The following KIAA0825 variants were observed in gnomAD, a reference collection of about 807,000 sequenced individuals.
KIAA0825 encodes the protein uncharacterized protein KIAA0825.
A neutral mutation model predicts 147.6 loss-of-function variants in KIAA0825; 119 were observed. That is an observed-to-expected ratio of 0.81 (90% CI 0.69 to 0.94). The LOEUF (loss-of-function observed/expected upper bound fraction) is 0.94. KIAA0825 is among the 40% of genes least tolerant of loss of function. The pLI is 0.00. For synonymous variants in KIAA0825, 470 were observed against 518.1 expected (o/e 0.91, Z 1.26); for missense variants, 1,381 against 1,472.7 (o/e 0.94, Z 1.02).
At chr5:94,382,671 G>C (rs1282717711) in intron 20 of KIAA0825, among the ~76,000 whole-genome samples, 1 of 152,058 alleles carries the variant, frequency 6.6e-6, no homozygotes, top group Non-Finnish European at 1.5e-5. Context: ...GTTATTTCTG[G>C]CTAAATTTGT....
intron 5 of KIAA0825, among the ~76,000 whole-genome samples, chr5:94,487,953 A>AAAAAC (rs997792416): frequency 9.2e-5 from 14 of 152,104 alleles, no homozygotes; most frequent in African/African-American, 2.2e-4. Context: ...ACCCTGTCTC[A>AAAAAC]AAAACAAAAC....
At chr5:94,573,755 G>A (rs1021652301) in intron 2 of KIAA0825, among the ~76,000 whole-genome samples, 5 of 152,164 alleles carry the variant, frequency 3.3e-5, no homozygotes. Context: ...CACAAAGAAA[G>A]GCCTTGCAGG....
At chr5:94,297,046 A>G (rs1238299560) in intron 20 of KIAA0825, among the ~76,000 whole-genome samples, 1 of 152,178 alleles carries the variant, frequency 6.6e-6, no homozygotes, top group East Asian at 1.9e-4. Context: ...GCAAGCTTCA[A>G]ATGAGCATAT....
chr5:94,509,800 G>A (rs559822675), intron 5 of KIAA0825, among the ~76,000 whole-genome samples: 1 of 152,182 alleles, frequency 6.6e-6, no homozygotes, highest in African/African-American at 2.4e-5. Context: ...TTTCTCTTCA[G>A]GGTCCAGCCT....
rs190127982 is a variant in KIAA0825 at position 94,507,334 on chromosome 5, G to A, written c.970+12914C>T. Among the ~76,000 whole-genome samples, 209 of 152,200 alleles carry A rather than the reference G, an allele frequency of 1.4e-3. 1 individual carries two copies. Among genetic ancestry groups the A allele is most frequent in the African/African-American group, 4.3e-3 (180 of 41,542 alleles). ...TTAGTGGTGCACACCTGTAGTCCCAGCTACTCAGGAGGCTGAGGCCAGGAG... is the reference window on the plus strand; with the variant it reads ...TTAGTGGTGCACACCTGTAGTCCCAACTACTCAGGAGGCTGAGGCCAGGAG... On this transcript the variant is annotated intron_variant, in intron 5 of 20. Coordinates refer to ENST00000682413, the MANE Select transcript of KIAA0825 (RefSeq NM_001145678.3).
At chr5:94,215,763 G>A (rs1437519611) in intron 20 of KIAA0825, among the ~76,000 whole-genome samples, 1 of 151,872 alleles carries the variant, frequency 6.6e-6, no homozygotes, top group African/African-American at 2.4e-5. Context: ...TCTCCTGGTT[G>A]CCCTCCTACT....
chr5:94,360,646 C>A (rs1420703226), intron 20 of KIAA0825, among the ~76,000 whole-genome samples: 1 of 152,174 alleles, frequency 6.6e-6, no homozygotes, highest in Non-Finnish European at 1.5e-5. Flanking sequence ...TGGACAAATG[C>A]CATGGCAGTG....
Position 94,384,390 on chromosome 5 carries a change from A to C in KIAA0825, c.3688T>G (p.Phe1230Val), listed in dbSNP as rs1191666822. 1.9e-6 allele frequency: 3 copies of C among 1,551,784 alleles called. No individual in the cohort carries two copies. Among genetic ancestry groups the C allele is most frequent in the Non-Finnish European group, 2.6e-6 (3 of 1,146,948 alleles). Residue 1230 changes from phenylalanine (F) to valine (V), a missense_variant, in exon 20 of 21, where the codon TTC becomes GTC. Physicochemically the swap from Phe to Val is conservative, Grantham distance 50 (BLOSUM62 -1). Coordinates refer to ENST00000682413, the MANE Select transcript of KIAA0825 (RefSeq NM_001145678.3). ...TACCTGTTTTTGAGCAGCACACTGA[A>C]GGTCATCTTATCCAGTCTCAGATAA... is the stretch of plus-strand genomic sequence containing the variant. ...PNYLRLDKMT[F>V]SVLLKNRWEM...
intron 1 of KIAA0825, among the ~76,000 whole-genome samples, chr5:94,605,093 A>G (rs1303525359): frequency 6.6e-6 from 1 of 152,174 alleles, no homozygotes; most frequent in Non-Finnish European, 1.5e-5. Context: ...ATTACCACTG[A>G]CTACACAGAA....
chr5:94,421,602 A>AT, intron 14 of KIAA0825, among the ~76,000 whole-genome samples: 1 of 152,148 alleles, frequency 6.6e-6, no homozygotes, highest in South Asian at 2.1e-4. Context: ...TTGAATGCTC[A>AT]TTTTTTCCCC....
chr5:94,594,073 A>G, intron 1 of KIAA0825: 1 of 537,246 alleles, frequency 1.9e-6, no homozygotes. Flanking sequence ...CTACTTAGGT[A>G]TATTGGATCC....
intron 1 of KIAA0825, chr5:94,593,136 C>A (rs2346763): frequency 6.4e-4 from 476 of 746,496 alleles, no homozygotes; most frequent in Admixed American, 1.8e-3. Context: ...TGTTATACAT[C>A]ACACAACAGT....
chr5:94,607,509 G>A (rs951699530), intron 1 of KIAA0825, among the ~76,000 whole-genome samples: 5 of 151,970 alleles, frequency 3.3e-5, no homozygotes, highest in East Asian at 1.9e-4. Flanking sequence ...CTCAGGAGGC[G>A]GAGGCAGGAG....
intron 1 of KIAA0825, among the ~76,000 whole-genome samples, chr5:94,588,023 C>T (rs1783634675): frequency 6.6e-6 from 1 of 152,140 alleles, no homozygotes; most frequent in South Asian, 2.1e-4. Flanking sequence ...CCCTTCCTTA[C>T]ATCTGACCAA....
chr5:94,452,860 G>T, intron 13 of KIAA0825, 99 bp downstream of exon 13: 1 of 589,322 alleles, frequency 1.7e-6, no homozygotes, highest in Non-Finnish European at 2.8e-6. Flanking sequence ...AGTTCTTTTT[G>T]TAAGATATAA....
At chr5:94,313,445 A>G (rs1779353647) in intron 20 of KIAA0825, among the ~76,000 whole-genome samples, 1 of 151,690 alleles carries the variant, frequency 6.6e-6, no homozygotes, top group African/African-American at 2.4e-5. Flanking sequence ...AGTAGTGTCA[A>G]ATGCCATACA....
chr5:94,273,829 C>T (rs1340465549), intron 20 of KIAA0825, among the ~76,000 whole-genome samples: 2 of 151,876 alleles, frequency 1.3e-5, no homozygotes, highest in Admixed American at 1.3e-4. Flanking sequence ...TAGTTGTCAA[C>T]CTTATCAATA....
At chr5:94,525,868 C>G (rs1769180901) in intron 3 of KIAA0825, among the ~76,000 whole-genome samples, 1 of 151,974 alleles carries the variant, frequency 6.6e-6, no homozygotes, top group Non-Finnish European at 1.5e-5. Flanking sequence ...GGTAATTTGT[C>G]CAAATACTGA....
intron 20 of KIAA0825, among the ~76,000 whole-genome samples, chr5:94,226,755 T>G (rs1052132321): frequency 6.6e-6 from 1 of 151,892 alleles, no homozygotes; most frequent in African/African-American, 2.4e-5. Context: ...CAGACACTTC[T>G]CAAAAGAAGA....
Sources: allele counts gnomAD v4.1 joint callset (sites outside exome capture counted in the v4.1 genomes callset), GRCh38; gene constraint gnomAD v4.1.1; transcripts MANE v1.5; gene names NCBI Gene and HGNC (gene_info 2026-07-23, HGNC 2026-07-21).